Variants in VPS51 observed in about 807,000 individuals in gnomAD.
The protein encoded by VPS51 is vacuolar protein sorting-associated protein 51 homolog.
A neutral mutation model predicts 65.1 loss-of-function variants in VPS51; 55 were observed. The observed-to-expected ratio is 0.84, with a 90% confidence interval of 0.68 to 1.06. VPS51 has a LOEUF of 1.06. Ranked by LOEUF, VPS51 falls within the 50% of genes least tolerant of loss-of-function variation. The pLI is 0.00. For synonymous variants in VPS51, 473 were observed against 489.5 expected, an observed-to-expected ratio of 0.97 and a Z score of 0.44; for missense variants, 943 against 1,101.6, an observed-to-expected ratio of 0.86 and a Z score of 2.04.
At chr11:65,111,238 G>A (rs768178068) in intron 9 of VPS51, 89 bp from the exon 10 acceptor site, 17 of 1,574,072 alleles carry the variant, frequency 1.1e-5, no homozygotes, top group Admixed American at 3.5e-5. Flanking sequence ...TACTTCCATC[G>A]TATGTCTCCC....
chr11:65,110,355 G>A, intron 7 of VPS51, 127 bp from the exon 8 acceptor site: 1 of 1,505,760 alleles, frequency 6.6e-7, no homozygotes, highest in Non-Finnish European at 9.1e-7. Flanking sequence ...CTAAATAGCG[G>A]GCCCCGCGGT....
intron 1 of VPS51, 40 bp downstream of exon 1, chr11:65,096,518 G>GGGGGGGGGGGTGGGGGC: frequency 1.2e-5 from 6 of 499,402 alleles, no homozygotes; most frequent in East Asian, 1.0e-4. Flanking sequence ...GGGGAGGGGG[G>GGGGGGGGGGGTGGGGGC]AAGGGAACCA....
chr11:65,096,371 T>C lies in VPS51; in HGVS notation c.121T>C (p.Tyr41His). 6.5e-7 allele frequency: 1 copy of C among 1,534,072 alleles called. No individual in the cohort carries two copies. The highest frequency in any genetic ancestry group is 1.2e-5 in the South Asian group (1 of 81,760). The change falls in exon 1 of 10, where the codon TAC (tyrosine) becomes CAC (histidine). Residue 41 changes from tyrosine (Y) to histidine (H), a missense_variant. Coordinates refer to ENST00000279281, the MANE Select transcript of VPS51 (RefSeq NM_013265.4). Reference sequence around the variant, plus strand: ...GGCGCACGGGATGCTGAAGCTTTACTACGGCCTCTCGGAAGGGGAGGCGGC... The same window carrying C: ...GGCGCACGGGATGCTGAAGCTTTACCACGGCCTCTCGGAAGGGGAGGCGGC... ...RKAHGMLKLY[Y>H]GLSEGEAAGR...
chr11:65,111,121 G>T, intron 9 of VPS51: 1 of 812,518 alleles, frequency 1.2e-6, no homozygotes, highest in Non-Finnish European at 2.1e-6. Flanking sequence ...GCTCAGGGAT[G>T]CCTCTGATTG....
At position 65,110,496 on chromosome 11, in the gene VPS51, C is replaced by T. The variant is rs1947887109; in HGVS notation, c.1893C>T (p.Tyr631=). The T allele has an allele frequency of 1.9e-6, 3 of 1,613,906 alleles. No individual in the cohort carries two copies. The highest frequency in any genetic ancestry group is 2.5e-6 in the Non-Finnish European group (3 of 1,179,994). Residue 631 remains tyrosine, a synonymous_variant, in exon 8 of 10, where the codon TAC becomes TAT. Transcript: ENST00000279281. ...TTTACCACCAGGTGGGGCTCCTGTA[C>T]GAAGAGGGTGTTCGCAAGGCCCAGA... ...TAIDVQVGLL[Y]EEGVRKAQSS...
chr11:65,111,394 C>G lies in VPS51; in HGVS notation c.2156C>G (p.Thr719Ser). The change falls in exon 10 of 10, where the codon ACC becomes AGC. Residue 719 changes from threonine (T) to serine (S), a missense_variant. By Grantham distance (58) the Thr-to-Ser change is moderately conservative. Coordinates refer to ENST00000279281, the MANE Select transcript of VPS51 (RefSeq NM_013265.4). ...CTGCTGGAGTGTGTGCGGCTGCGCA[C>G]CTTTGGGCGCTTCGGGCTGCAGCAG... Reference protein sequence around the residue: ...KTLLECVRLRTFGRFGLQQVQ... With the variant: ...KTLLECVRLRSFGRFGLQQVQ... The G allele has an allele frequency of 6.2e-7, 1 of 1,612,972 alleles. No homozygotes were observed. The highest frequency in any genetic ancestry group is 8.5e-7 in the Non-Finnish European group (1 of 1,180,032).
chr11:65,099,427 C>T (rs1362413296), intron 2 of VPS51, among the ~76,000 whole-genome samples: 1 of 152,110 alleles, frequency 6.6e-6, no homozygotes, highest in East Asian at 1.9e-4. Context: ...TGGCTTTTAT[C>T]CACAGAGAGC....
At chr11:65,101,631 G>A (rs557847882) in intron 2 of VPS51, among the ~76,000 whole-genome samples, 31 of 151,620 alleles carry the variant, frequency 2.0e-4, no homozygotes, top group Non-Finnish European at 3.7e-4. Flanking sequence ...GCTGGGTGTG[G>A]TGTTGTGTCC....
chr11:65,106,661 G>T (rs1210465175), intron 2 of VPS51, among the ~76,000 whole-genome samples: 1 of 151,394 alleles, frequency 6.6e-6, no homozygotes, highest in Non-Finnish European at 1.5e-5. Context: ...TGAGGCAGGA[G>T]AATGGTGTGA....
chr11:65,110,353 C>A, intron 7 of VPS51, 129 bp from the exon 8 acceptor site: 2 of 1,489,892 alleles, frequency 1.3e-6, no homozygotes, highest in African/African-American at 1.4e-5. Context: ...TACTAAATAG[C>A]GGGCCCCGCG....
chr11:65,107,723 G>A lies in VPS51; in HGVS notation c.501G>A (p.Leu167=). The A allele has an allele frequency of 1.2e-6, 2 of 1,607,598 alleles. No individual in the cohort carries two copies. Among genetic ancestry groups the A allele is most frequent in the Non-Finnish European group, 1.7e-6 (2 of 1,176,338 alleles). Reference sequence around the variant, plus strand: ...ACCGCCACGAGCGCATCACCAAGCTGGCAGGTGGGCGCTGCCGGGCAGGGC... The same window carrying A: ...ACCGCCACGAGCGCATCACCAAGCTAGCAGGTGGGCGCTGCCGGGCAGGGC... ...LQDRHERITK[L]AGVHALLRKL... Residue 167 remains leucine (L), a synonymous_variant, in exon 3 of 10, where the codon CTG becomes CTA. Coordinates refer to ENST00000279281, the MANE Select transcript of VPS51 (RefSeq NM_013265.4). This position sits in a 1 kb window ranked among gnomAD's most constrained non-coding sequence, Gnocchi z 4.0.
chr11:65,104,377 C>T (rs1947828715), intron 2 of VPS51, among the ~76,000 whole-genome samples: 1 of 152,196 alleles, frequency 6.6e-6, no homozygotes, highest in Admixed American at 6.5e-5. Flanking sequence ...TTGTCCTTGC[C>T]ATGTTTTGAC....
chr11:65,108,614 TCCC>T lies in VPS51; in HGVS notation c.1144_1146del (p.Pro382del). On this transcript the variant is annotated inframe_deletion, in exon 5 of 10. Coordinates refer to ENST00000279281, the MANE Select transcript of VPS51 (RefSeq NM_013265.4). ...ACCGCTTCCACCGGCGCTTGCGGGC[TCCC>T]GGGGCCCTGCTGGCCGCTGCCGGGC... 6.5e-7 allele frequency: 1 copy of T among 1,528,432 alleles called. No individual in the cohort carries two copies. Among genetic ancestry groups the T allele is most frequent in the Non-Finnish European group, 8.7e-7 (1 of 1,145,896 alleles). The allele number at this position is 1,528,432 out of a possible 1,614,324, so 94.7% of individuals were successfully genotyped here.
Position 65,111,826 on chromosome 11 carries a change from G to T in VPS51, c.*239G>T. 3.3e-6 allele frequency: 3 copies of T among 922,796 alleles called. No homozygotes were observed. The highest frequency in any genetic ancestry group is 4.8e-6 in the Non-Finnish European group (3 of 621,776). The allele number at this position is 922,796 out of a possible 1,614,324, so 57.2% of individuals were successfully genotyped here. ...GGCTGGTGTGCTGGGCCCAGCATGG[G>T]CAGGGGGCGGTTCCACTTAAAAACC... is the stretch of plus-strand genomic sequence containing the variant. On this transcript the variant is annotated 3_prime_UTR_variant, in exon 10 of 10. Coordinates refer to ENST00000279281, the MANE Select transcript of VPS51 (RefSeq NM_013265.4).
Position 65,108,489 on chromosome 11 carries a change from T to A in VPS51, c.1018T>A (p.Phe340Ile), listed in dbSNP as rs1399780682. The A allele has an allele frequency of 6.2e-7, 1 of 1,604,686 alleles. No homozygotes were observed. Among genetic ancestry groups the A allele is most frequent in the African/African-American group, 1.3e-5 (1 of 74,854 alleles). The change falls in exon 5 of 10, where the codon TTC becomes ATC. Residue 340 changes from phenylalanine (F) to isoleucine (I), a missense_variant. Coordinates refer to ENST00000279281, the MANE Select transcript of VPS51 (RefSeq NM_013265.4). ...GPAGAEKLAA[F>I]ARQLGSRYFA... ...AGCAGGTGCCGAGAAGCTGGCGGCCTTCGCCCGGCAGCTGGGCAGCCGCTA... is the reference window on the plus strand; with the variant it reads ...AGCAGGTGCCGAGAAGCTGGCGGCCATCGCCCGGCAGCTGGGCAGCCGCTA...
intron 2 of VPS51, among the ~76,000 whole-genome samples, chr11:65,099,645 C>T (rs1481039324): frequency 6.6e-6 from 1 of 151,718 alleles, no homozygotes; most frequent in East Asian, 1.9e-4. Flanking sequence ...AAAAAAATAG[C>T]TGGGTATGGT....
rs1342894246 is a variant in VPS51, at chr11:65,109,856, T to C, written c.1811T>C (p.Leu604Pro). Residue 604 changes from leucine (L) to proline (P), a missense_variant, in exon 7 of 10, where the codon CTG (leucine) becomes CCG (proline). Around this residue, in one of 2 missense-constraint regions of VPS51, gnomAD observed 855 missense variants for 953.7 expected, o/e 0.90. Coordinates refer to ENST00000279281, the MANE Select transcript of VPS51 (RefSeq NM_013265.4). ...SVETRDWLSTLEPRNVRAVMK... is the reference protein window; with the variant it reads ...SVETRDWLSTPEPRNVRAVMK... ...GAGACTCGCGACTGGCTCAGCACTC[T>C]GGAGCCCCGGAATGTGCGGGCCGTC... 6 of 1,611,848 alleles carry C rather than the reference T, an allele frequency of 3.7e-6. No individual in the cohort carries two copies. The Admixed American group carries it at 6.7e-5, about 18-fold the overall frequency.
At chr11:65,108,113 G>A (rs142353839) in intron 4 of VPS51, 84 bp from the exon 5 acceptor site, 1 of 1,537,180 alleles carries the variant, frequency 6.5e-7, no homozygotes, top group Admixed American at 1.9e-5. Context: ...CTGTCCCCCT[G>A]CCCTGTGTGT....
Position 65,111,512 on chromosome 11 carries a change from C to G in VPS51, c.2274C>G (p.Ala758=). 1 of 1,613,580 alleles carries G rather than the reference C, an allele frequency of 6.2e-7. No individual in the cohort carries two copies. Among genetic ancestry groups the G allele is most frequent in the East Asian group, 2.2e-5 (1 of 44,890 alleles). The change falls in exon 10 of 10, where the codon GCC becomes GCG. Residue 758 remains alanine, a synonymous_variant. Coordinates refer to ENST00000279281, the MANE Select transcript of VPS51 (RefSeq NM_013265.4). The stretch of plus-strand genomic sequence containing the variant: ...ACTTGCTGCTGGACGAAGTGGTGGC[C>G]TCTGCTGCCCTGCGCTGCCCAGACC... ...LVHLLLDEVV[A]SAALRCPDPV... is the part of the protein sequence containing the mutation.
Sources: allele counts gnomAD v4.1 joint callset (sites outside exome capture counted in the v4.1 genomes callset), GRCh38; gene constraint gnomAD v4.1.1; regional missense constraint gnomAD v4.1.1; non-coding constraint Gnocchi (gnomAD v3.1); transcripts MANE v1.5; gene names NCBI Gene and HGNC (gene_info 2026-07-23, HGNC 2026-07-21).